TMIGD2: variants seen among roughly 807,000 people sequenced by gnomAD.
TMIGD2 encodes the protein transmembrane and immunoglobulin domain-containing protein 2.
A neutral mutation model predicts 22.6 loss-of-function variants in TMIGD2; 18 were observed. The ratio of observed to expected loss-of-function variants is 0.80; its 90% CI spans 0.55 to 1.18. TMIGD2 has a LOEUF of 1.18. Among genes scored for constraint, TMIGD2 ranks in the 50% most tolerant of loss-of-function variants. The probability of loss-of-function intolerance (pLI) is 0.00; values close to 1 mark genes in which losing one functional copy is unlikely to be tolerated. For synonymous variants in TMIGD2, 184 were observed against 154.1 expected, an observed-to-expected ratio of 1.19 and a Z score of -1.44; for missense variants, 361 against 378.2, an observed-to-expected ratio of 0.95 and a Z score of 0.38.
At chr19:4,302,346 T>A (rs1372015454) in exon 1 of TMIGD2, 5 of 1,575,030 alleles carry the variant, frequency 3.2e-6, no homozygotes, top group Non-Finnish European at 4.3e-6. Context: ...TCACCCCAGA[T>A]CTGCACCAGG....
chr19:4,294,812 G>C, exon 3 of TMIGD2: 1 of 1,575,576 alleles, frequency 6.3e-7, no homozygotes, highest in South Asian at 1.2e-5. Context: ...TCTGTGTGGG[G>C]TCATCTGCAG....
At chr19:4,299,477 A>T (rs1218748982) in intron 1 of TMIGD2, among the ~76,000 whole-genome samples, 7 of 148,910 alleles carry the variant, frequency 4.7e-5, no homozygotes, top group Non-Finnish European at 8.9e-5. Context: ...ACGCCACTGC[A>T]CTCTAGCCTG....
At chr19:4,299,964 C>A (rs1053681273) in intron 1 of TMIGD2, among the ~76,000 whole-genome samples, 2 of 152,114 alleles carry the variant, frequency 1.3e-5, no homozygotes, top group African/African-American at 4.8e-5. Flanking sequence ...GCAGGATCAA[C>A]CTCCTGGGTT....
chr19:4,292,908 A>G, intron 4 of TMIGD2, 23 bp from the exon 5 acceptor site: 1 of 1,612,396 alleles, frequency 6.2e-7, no homozygotes, highest in Non-Finnish European at 8.5e-7. Flanking sequence ...ACACAGACCA[A>G]GAGGATCACT....
At chr19:4,296,790 T>C (rs1971466559) in intron 2 of TMIGD2, among the ~76,000 whole-genome samples, 1 of 152,190 alleles carries the variant, frequency 6.6e-6, no homozygotes, top group Non-Finnish European at 1.5e-5. Flanking sequence ...TGCTTCATTC[T>C]GCCAGAGGGG....
chr19:4,294,670 G>T, exon 4 of TMIGD2: 2 of 1,592,238 alleles, frequency 1.3e-6, no homozygotes, highest in Non-Finnish European at 1.7e-6. Flanking sequence ...CCAGCAGCAC[G>T]AAGAGGAATC....
intron 2 of TMIGD2, among the ~76,000 whole-genome samples, chr19:4,295,032 A>G (rs1971442753): frequency 6.6e-6 from 1 of 151,968 alleles, no homozygotes; most frequent in Non-Finnish European, 1.5e-5. Flanking sequence ...AGGCTGAGGC[A>G]GGAGGATCAC....
intron 2 of TMIGD2, among the ~76,000 whole-genome samples, chr19:4,296,713 TC>T (rs36120799): frequency 0.54 from 81,316 of 151,888 alleles, 22,638 homozygotes; most frequent in South Asian, 0.72. Flanking sequence ...CAGGCACGTG[TC>T]CCCCGCCAGC....
At chr19:4,299,913 A>G (rs1196635086) in intron 1 of TMIGD2, among the ~76,000 whole-genome samples, 4 of 145,584 alleles carry the variant, frequency 2.7e-5, no homozygotes, top group South Asian at 2.2e-4. Flanking sequence ...ATCTCATTCT[A>G]TTGCCCAGTC....
intron 2 of TMIGD2, 68 bp from the exon 3 acceptor site, chr19:4,294,884 G>A: frequency 2.8e-6 from 4 of 1,431,704 alleles, no homozygotes; most frequent in Non-Finnish European, 1.9e-6. Flanking sequence ...GAGCTCACTT[G>A]GGGGGACCTA....
chr19:4,294,799 TG>T lies in TMIGD2; in HGVS notation c.423del (p.Asn141LysfsTer155). On this transcript the variant is annotated frameshift_variant, in exon 3 of 5. Transcript: ENST00000301272. LOFTEE classifies it high-confidence loss of function. ...CCTGGGAAGCTTGCGATCCGGTTTCTGTTCTGTGTGGGGTCATCTGCAGAGA... is the reference window on the plus strand; with the variant it reads ...CCTGGGAAGCTTGCGATCCGGTTTCTTTCTGTGTGGGGTCATCTGCAGAGA... 1 of 1,590,240 alleles carries T rather than the reference TG, an allele frequency of 6.3e-7. No individual in the cohort carries two copies. Among genetic ancestry groups the T allele is most frequent in the Non-Finnish European group, 8.6e-7 (1 of 1,169,216 alleles).
exon 5 of TMIGD2, chr19:4,292,726 C>T: frequency 1.2e-6 from 2 of 1,608,712 alleles, no homozygotes; most frequent in Non-Finnish European, 8.5e-7. Flanking sequence ...CGGGCTGGGG[C>T]AGGGTCTTGA....
Position 4,294,689 on chromosome 19 carries a change from G to T in TMIGD2, c.449-9C>A, listed in dbSNP as rs202032398. 1.4e-4 allele frequency: 222 copies of T among 1,582,922 alleles called. No homozygotes were observed. In the African/African-American group the frequency reaches 2.7e-3, roughly 19 times the overall value. ...CAGCACGAAGAGGAATCCTGGGTAGGGGGAGAAGAGATGGTCTAATCAGGA... is the reference window on the plus strand; with the variant it reads ...CAGCACGAAGAGGAATCCTGGGTAGTGGGAGAAGAGATGGTCTAATCAGGA... On this transcript the variant is annotated splice_polypyrimidine_tract_variant and intron_variant, in intron 3 of 4. Transcript: ENST00000301272.
intron 2 of TMIGD2, 112 bp downstream of exon 2, chr19:4,297,874 A>T: frequency 1.1e-4 from 129 of 1,206,124 alleles, no homozygotes; most frequent in Non-Finnish European, 1.3e-4. Flanking sequence ...AAAAAAAAAA[A>T]GTTTGATATG....
intron 2 of TMIGD2, among the ~76,000 whole-genome samples, chr19:4,295,933 T>G (rs143350233): frequency 6.6e-6 from 1 of 152,264 alleles, no homozygotes; most frequent in African/African-American, 2.4e-5. Flanking sequence ...TGTTTGTTTT[T>G]CTGGAGACAG....
exon 2 of TMIGD2, chr19:4,298,293 C>T (rs766484756): frequency 6.2e-7 from 1 of 1,605,898 alleles, no homozygotes. Context: ...CCTGCCTCAC[C>T]TGCAGCAAGT....
chr19:4,296,390 C>G (rs985894431), intron 2 of TMIGD2, among the ~76,000 whole-genome samples: 1 of 152,230 alleles, frequency 6.6e-6, no homozygotes, highest in African/African-American at 2.4e-5. Flanking sequence ...GTATAATTTA[C>G]AGGAACCCCA....
intron 1 of TMIGD2, among the ~76,000 whole-genome samples, chr19:4,299,624 T>C (rs536477770): frequency 1.2e-3 from 184 of 150,872 alleles, no homozygotes; most frequent in African/African-American, 3.7e-3. Context: ...CTGTGACTCA[T>C]GCCTGTAATC....
In TMIGD2 at chr19:4,292,584, G is replaced by T. The variant is rs200584828; in HGVS notation, c.*15C>A. On this transcript the variant is annotated 3_prime_UTR_variant, in exon 5 of 5. Transcript: ENST00000301272. ...TACCTATGGGTGGGGTCCTGTTGAG[G>T]TCTCCTGGGATCTCTCACTCCTCTC... The T allele has an allele frequency of 3.0e-5, 49 of 1,609,800 alleles. No homozygotes were observed. In the African/African-American group the frequency reaches 5.9e-4, roughly 19 times the overall value.
Sources: gnomAD v4.1 joint callset for allele counts (sites outside exome capture counted in the v4.1 genomes callset) on GRCh38, gnomAD v4.1.1 for gene constraint, MANE v1.5 for transcripts, NCBI Gene and HGNC (gene_info 2026-07-23, HGNC 2026-07-21) for gene names.